Variants in USP35 observed in about 807,000 individuals in gnomAD.
USP35 encodes the protein ubiquitin carboxyl-terminal hydrolase 35.
In USP35, 69 loss-of-function variants were observed where a neutral mutation model predicts 83.8. The observed-to-expected ratio is 0.82, with a 90% CI of 0.68 to 1.01. The LOEUF is 1.01. Ranked by LOEUF, USP35 falls within the 50% of genes least tolerant of loss-of-function variation. USP35 has a pLI of 0.00. For synonymous variants in USP35, 714 were observed against 589.5 expected (o/e 1.21, Z -3.06); for missense variants, 1,503 against 1,362.5 (o/e 1.10, Z -1.62).
At chr11:78,191,537 T>C (rs1863004487) in intron 1 of USP35, among the ~76,000 whole-genome samples, 2 of 152,196 alleles carry the variant, frequency 1.3e-5, no homozygotes. Flanking sequence ...GTGGCTGGGC[T>C]AGACTCGAAG....
At chr11:78,206,953 T>C (rs1377781364) in intron 7 of USP35, among the ~76,000 whole-genome samples, 1 of 152,154 alleles carries the variant, frequency 6.6e-6, no homozygotes, top group Non-Finnish European at 1.5e-5. Flanking sequence ...TCCTCTTCGT[T>C]TAGCGTATTC....
chr11:78,227,146 A>C, the USP35 span: 2 of 800,290 alleles, frequency 2.5e-6, no homozygotes, highest in East Asian at 2.6e-5. Context: ...ACTTTGGTTT[A>C]GGCATCTGTA....
Position 78,196,154 on chromosome 11 carries a change from A to G in USP35, c.-10-82A>G. 1 of 1,466,472 alleles carries G rather than the reference A, an allele frequency of 6.8e-7. No individual in the cohort carries two copies. Among genetic ancestry groups the G allele is most frequent in the Non-Finnish European group, 8.9e-7 (1 of 1,118,674 alleles). The allele number at this position is 1,466,472 out of a possible 1,614,324, so 90.8% of individuals were successfully genotyped here. A position where few individuals can be genotyped will look rare whatever the true frequency, so the allele number is the denominator to read the frequency against. On this transcript the variant is annotated intron_variant, in intron 1 of 10. Coordinates refer to ENST00000529308, the MANE Select transcript of USP35 (RefSeq NM_020798.4). The surrounding 1 kb of genome is among the most constrained non-coding windows in gnomAD (Gnocchi z 4.8). The stretch of plus-strand genomic sequence containing the variant: ...CAGAAAGTTTGAGTTGCTTGCCCTA[A>G]GTCTCAGCACTCGGGGACTGCACCG...
In USP35 at chr11:78,214,234, A is replaced by AGAGAGGC. The variant is rs1275222810; in HGVS notation, c.*422_*423insAGAGGCG. 9.9e-4 allele frequency: 95 copies of AGAGAGGC among 96,188 alleles called. 2 individuals are homozygous for AGAGAGGC. The highest frequency in any genetic ancestry group is 4.7e-3 in the African/African-American group (93 of 19,642). 6.0% of individuals were successfully genotyped at this position (96,188 alleles called of 1,614,324 possible). A position where few individuals can be genotyped will look rare whatever the true frequency, so the allele number is the denominator to read the frequency against. Reference sequence around the variant, plus strand: ...ACAGCAGGATCCAAGCCTTGCACAAAGGGGTGGGGGGGGCAGTGTCTCCTC... The same window carrying AGAGAGGC: ...ACAGCAGGATCCAAGCCTTGCACAAAGAGAGGCGGGGTGGGGGGGGCAGTGTCTCCTC... On this transcript the variant is annotated 3_prime_UTR_variant, in exon 11 of 11. Coordinates refer to ENST00000529308, the MANE Select transcript of USP35 (RefSeq NM_020798.4).
chr11:78,216,558 G>T (rs561969906), downstream of USP35: 1 of 152,160 alleles, frequency 6.6e-6, no homozygotes. Flanking sequence ...ACTTGCACCC[G>T]AGGGATTTTG....
the USP35 span, chr11:78,227,177 T>C: frequency 1.2e-5 from 8 of 658,460 alleles, no homozygotes; most frequent in South Asian, 1.3e-4. Flanking sequence ...TAAAAGCATA[T>C]TTTGAAGGTT....
intron 2 of USP35, among the ~76,000 whole-genome samples, chr11:78,197,229 C>T (rs1029583905): frequency 0.045 from 13 of 286 alleles, no homozygotes; most frequent in Admixed American, 0.25. Context: ...GGATTTGGGG[C>T]GGGGGAGGTG....
Position 78,213,626 on chromosome 11 carries a change from CCT to C in USP35, c.2890-16_2890-15del. 13 of 1,463,444 alleles carry C rather than the reference CCT, an allele frequency of 8.9e-6. No homozygotes were observed. Among genetic ancestry groups the C allele is most frequent in the Non-Finnish European group, 1.2e-5 (13 of 1,112,206 alleles). The allele number at this position is 1,463,444 out of a possible 1,614,324, so 90.7% of individuals were successfully genotyped here. A position where few individuals can be genotyped will look rare whatever the true frequency, so the allele number is the denominator to read the frequency against. ...GGGTGTGAATTCTAAGTCTAAGTCTCCTCTCATCTGTGTTCCCAGGAGCAGGA... is the reference window on the plus strand; with the variant it reads ...GGGTGTGAATTCTAAGTCTAAGTCTCCTCATCTGTGTTCCCAGGAGCAGGA... On this transcript the variant is annotated intron_variant, in intron 10 of 10. Transcript: ENST00000529308.
the USP35 span, among the ~76,000 whole-genome samples, chr11:78,235,847 C>CA: frequency 6.6e-6 from 1 of 152,190 alleles, no homozygotes; most frequent in Non-Finnish European, 1.5e-5. Context: ...CTGAGCCCTC[C>CA]AAACTGTTCC....
chr11:78,214,381 G>GA lies in USP35; in HGVS notation c.*568_*569insA, dbSNP rs1555090265. ...ACCAAGCGCCACTGCATGGTTTTGG[G>GA]GGGGGGGGCGGGGGGCTAGCTTCTC... is the stretch of plus-strand genomic sequence containing the variant. On this transcript the variant is annotated 3_prime_UTR_variant, in exon 11 of 11. Transcript: ENST00000529308. 8.1e-6 allele frequency: 1 copy of GA among 122,928 alleles called. No homozygotes were observed. Among genetic ancestry groups the GA allele is most frequent in the African/African-American group, 2.8e-5 (1 of 35,292 alleles). The allele number at this position is 122,928 out of a possible 1,614,324, so 7.6% of individuals were successfully genotyped here.
chr11:78,207,672 G>A (rs1274195603), intron 8 of USP35, 49 bp downstream of exon 8: 1 of 1,570,020 alleles, frequency 6.4e-7, no homozygotes, highest in South Asian at 1.1e-5. Context: ...CTCTGGTCAG[G>A]CCCCGACATG....
At chr11:78,235,917 AC>A in the USP35 span, among the ~76,000 whole-genome samples, 2 of 152,162 alleles carry the variant, frequency 1.3e-5, no homozygotes, top group Non-Finnish European at 2.9e-5. Context: ...CTTTTCAGCA[AC>A]GCCCCACTCT....
At chr11:78,223,526 G>A in the USP35 span, 12 of 1,613,126 alleles carry the variant, frequency 7.4e-6, no homozygotes, top group African/African-American at 1.3e-4. Context: ...GAGTCAAAGT[G>A]ATGGGCCCCT....
chr11:78,191,471 A>T (rs1350746308), intron 1 of USP35, among the ~76,000 whole-genome samples: 3 of 152,138 alleles, frequency 2.0e-5, no homozygotes, highest in Non-Finnish European at 4.4e-5. Flanking sequence ...GCACGTAGTC[A>T]CCTTCTATTT....
chr11:78,212,483 A>C (rs1303751838), intron 10 of USP35, among the ~76,000 whole-genome samples: 1 of 152,212 alleles, frequency 6.6e-6, no homozygotes, highest in Non-Finnish European at 1.5e-5. Flanking sequence ...TGTGAATGGT[A>C]GTTTAACGGG....
chr11:78,200,653 C>G lies in USP35; in HGVS notation c.1042C>G (p.Leu348Val), dbSNP rs986349688. The change falls in exon 6 of 11, where the codon CTC becomes GTC. Residue 348 changes from leucine to valine, a missense_variant. Transcript: ENST00000529308. The part of the protein sequence containing the change: ...QHSHEAFHLL[L>V]PHIPPMVASL... The stretch of plus-strand genomic sequence containing the variant: ...TGACGCAGCTCTGCTCCCACAGCTC[C>G]TCCCTCACATCCCCCCCATGGTGGC... The G allele has an allele frequency of 6.2e-7, 1 of 1,608,696 alleles. No homozygotes were observed. Among genetic ancestry groups the G allele is most frequent in the Non-Finnish European group, 8.5e-7 (1 of 1,176,920 alleles).
chr11:78,212,820 C>A (rs988132273), intron 10 of USP35, among the ~76,000 whole-genome samples: 3 of 151,680 alleles, frequency 2.0e-5, no homozygotes, highest in Non-Finnish European at 2.9e-5. Context: ...GATTCTGTAT[C>A]ATCTAGAAAA....
intron 3 of USP35, 195 bp from the exon 4 acceptor site, chr11:78,199,400 A>G (rs1051474006): frequency 8.1e-6 from 6 of 742,572 alleles, no homozygotes; most frequent in East Asian, 2.7e-5. Context: ...TGGGAGCCTC[A>G]GTGTCTGGCA....
At chr11:78,189,855 C>T (rs565209930) in intron 1 of USP35, among the ~76,000 whole-genome samples, 1 of 152,150 alleles carries the variant, frequency 6.6e-6, no homozygotes, top group South Asian at 2.1e-4. Flanking sequence ...GTTTGGTGGC[C>T]CAGACATGGG....
Sources: allele counts gnomAD v4.1 joint callset (sites outside exome capture counted in the v4.1 genomes callset), GRCh38; gene constraint gnomAD v4.1.1; non-coding constraint Gnocchi (gnomAD v3.1); transcripts MANE v1.5; gene names NCBI Gene and HGNC (gene_info 2026-07-23, HGNC 2026-07-21).